Variants in NLGN1 observed in about 807,000 individuals in gnomAD.
The protein encoded by NLGN1 is neuroligin 1.
Under a neutral mutation model 65.5 loss-of-function variants are expected in NLGN1, and 12 were observed. The ratio of observed to expected loss-of-function variants is 0.18; its 90% confidence interval spans 0.12 to 0.30. NLGN1 has a LOEUF of 0.30. Ranked by LOEUF, NLGN1 falls within the 10% of genes least tolerant of loss-of-function variation. The probability of loss-of-function intolerance (pLI) is 1.00; values close to 1 mark genes in which losing one functional copy is unlikely to be tolerated. For synonymous variants in NLGN1, 350 were observed against 359.5 expected (o/e 0.97, Z 0.30); for missense variants, 750 against 1,007.1 (o/e 0.74, Z 3.46).
intron 2 of NLGN1, among the ~76,000 whole-genome samples, chr3:173,515,581 T>C (rs1733690693): frequency 6.6e-6 from 1 of 152,134 alleles, no homozygotes; most frequent in Non-Finnish European, 1.5e-5. Context: ...GTCATGAAGT[T>C]TTACCCAGTG....
chr3:173,580,932 T>G (rs1480383612), intron 2 of NLGN1, among the ~76,000 whole-genome samples: 1 of 152,026 alleles, frequency 6.6e-6, no homozygotes, highest in Non-Finnish European at 1.5e-5. Context: ...TATGATATAC[T>G]TTGGATTATG....
chr3:173,888,955 G>C (rs992948130), intron 4 of NLGN1, among the ~76,000 whole-genome samples: 1 of 152,040 alleles, frequency 6.6e-6, no homozygotes, highest in African/African-American at 2.4e-5. Context: ...ACTTTGGCTG[G>C]AGATTTTCTG....
chr3:173,491,443 G>T (rs887322553), intron 2 of NLGN1, among the ~76,000 whole-genome samples: 6 of 151,798 alleles, frequency 4.0e-5, no homozygotes, highest in African/African-American at 1.5e-4. Flanking sequence ...GAGGGATGAA[G>T]CCCACTTGAT....
intron 2 of NLGN1, among the ~76,000 whole-genome samples, chr3:173,511,661 T>C (rs1465318222): frequency 5.3e-5 from 8 of 152,168 alleles, no homozygotes; most frequent in Non-Finnish European, 1.2e-4. Context: ...GTTGTGGGTT[T>C]TTTCAGTCTT....
intron 4 of NLGN1, among the ~76,000 whole-genome samples, chr3:174,175,372 T>C (rs542554384): frequency 5.5e-4 from 83 of 152,032 alleles, no homozygotes; most frequent in Middle Eastern, 3.4e-3. Context: ...TTAGCACCTT[T>C]ATCATTATAT....
chr3:174,073,135 A>G (rs1485887968), intron 4 of NLGN1, among the ~76,000 whole-genome samples: 2 of 152,134 alleles, frequency 1.3e-5, no homozygotes, highest in Non-Finnish European at 2.9e-5. Flanking sequence ...TTAAGAGAAT[A>G]ATGAATCAAT....
intron 4 of NLGN1, among the ~76,000 whole-genome samples, chr3:173,818,819 G>GT (rs1719559174): frequency 6.9e-6 from 1 of 145,620 alleles, no homozygotes; most frequent in Admixed American, 6.8e-5. Flanking sequence ...GCCAGGGTCA[G>GT]TTTTTTCTCT....
chr3:173,455,820 T>C (rs1310814665), intron 2 of NLGN1, among the ~76,000 whole-genome samples: 5 of 152,224 alleles, frequency 3.3e-5, no homozygotes, highest in East Asian at 1.9e-4. Flanking sequence ...TTATGGAGGC[T>C]GAGAAGTTCT....
At chr3:173,468,834 T>A (rs1448576624) in intron 2 of NLGN1, among the ~76,000 whole-genome samples, 1 of 151,126 alleles carries the variant, frequency 6.6e-6, no homozygotes, top group Middle Eastern at 3.4e-3. Context: ...AAACTGAAAA[T>A]AAAAAAAAAT....
At chr3:173,480,272 A>G (rs1727048994) in intron 2 of NLGN1, among the ~76,000 whole-genome samples, 1 of 152,170 alleles carries the variant, frequency 6.6e-6, no homozygotes, top group Non-Finnish European at 1.5e-5. Flanking sequence ...GATGAAGGAC[A>G]TTAAAGTGAT....
chr3:174,213,264 A>C (rs1737028077), intron 4 of NLGN1, among the ~76,000 whole-genome samples: 1 of 152,210 alleles, frequency 6.6e-6, no homozygotes, highest in Non-Finnish European at 1.5e-5. Context: ...GGGTGCTAAT[A>C]AATTCTGCTA....
intron 3 of NLGN1, among the ~76,000 whole-genome samples, chr3:173,750,184 G>A (rs757124562): frequency 2.6e-5 from 4 of 151,212 alleles, no homozygotes; most frequent in Non-Finnish European, 5.9e-5. Flanking sequence ...CCTTCATATA[G>A]GCAGATCTAC....
chr3:174,256,912 G>A (rs1023873185), intron 4 of NLGN1, among the ~76,000 whole-genome samples: 5 of 152,044 alleles, frequency 3.3e-5, no homozygotes, highest in Non-Finnish European at 5.9e-5. Context: ...TTGACAAATG[G>A]GATCTAATTA....
At chr3:173,984,723 C>T (rs1296182795) in intron 4 of NLGN1, among the ~76,000 whole-genome samples, 1 of 152,144 alleles carries the variant, frequency 6.6e-6, no homozygotes, top group East Asian at 1.9e-4. Context: ...TATCTCAATG[C>T]TATCTTGTGG....
At chr3:173,848,617 C>A (rs796419677) in intron 4 of NLGN1, among the ~76,000 whole-genome samples, 2 of 152,200 alleles carry the variant, frequency 1.3e-5, no homozygotes, top group African/African-American at 4.8e-5. Flanking sequence ...GCCATTTTCC[C>A]CTGAACTTCT....
At chr3:173,629,604 A>T (rs1312206509) in intron 3 of NLGN1, among the ~76,000 whole-genome samples, 1 of 152,194 alleles carries the variant, frequency 6.6e-6, no homozygotes, top group Non-Finnish European at 1.5e-5. Flanking sequence ...AGGTCATAAA[A>T]TATCCAGTGA....
chr3:173,619,982 G>C (rs1753724200), intron 3 of NLGN1, among the ~76,000 whole-genome samples: 1 of 152,124 alleles, frequency 6.6e-6, no homozygotes. Context: ...AACAGCTTGT[G>C]ATCAGAGAGT....
intron 4 of NLGN1, among the ~76,000 whole-genome samples, chr3:173,902,375 C>T (rs1370169950): frequency 6.6e-6 from 1 of 152,028 alleles, no homozygotes; most frequent in African/African-American, 2.4e-5. Flanking sequence ...ATAGAAATAG[C>T]TTATGTTTGA....
intron 3 of NLGN1, among the ~76,000 whole-genome samples, chr3:173,613,483 A>C (rs1752616034): frequency 1.3e-5 from 2 of 152,106 alleles, no homozygotes; most frequent in African/African-American, 2.4e-5. Flanking sequence ...TATAAATCCA[A>C]GTGTTTGACT....
Sources: allele counts gnomAD v4.1 joint callset (sites outside exome capture counted in the v4.1 genomes callset), GRCh38; gene constraint gnomAD v4.1.1; transcripts MANE v1.5; gene names NCBI Gene and HGNC (gene_info 2026-07-23, HGNC 2026-07-21).